Variants in PEX1 observed in about 807,000 individuals in gnomAD.
PEX1 encodes peroxisomal biogenesis factor 1, also known as peroxisomal ATPase PEX1.
In PEX1, 97 loss-of-function variants were observed where a neutral mutation model predicts 152.5. The observed-to-expected ratio is 0.64, with a 90% CI of 0.54 to 0.75. The LOEUF (loss-of-function observed/expected upper bound fraction) is 0.75, where lower values mean the gene tolerates loss of function less well. PEX1 is among the 30% of genes least tolerant of loss of function. The pLI is 0.00. For synonymous variants in PEX1, 485 were observed against 531.6 expected (o/e 0.91, Z 1.21); for missense variants, 1,357 against 1,516.3 (o/e 0.89, Z 1.74).
intron 2 of PEX1, 102 bp from the exon 3 acceptor site, chr7:92,519,180 G>C: frequency 1.4e-6 from 1 of 705,446 alleles, no homozygotes; most frequent in Non-Finnish European, 2.5e-6. Flanking sequence ...TTAAGTAGAT[G>C]TGTGTGTATG....
At chr7:92,519,809 T>G (rs1215811616) in intron 2 of PEX1, among the ~76,000 whole-genome samples, 4 of 152,326 alleles carry the variant, frequency 2.6e-5, no homozygotes, top group Non-Finnish European at 4.4e-5. Flanking sequence ...GTCTATAAGC[T>G]GGAGTCACCA....
In PEX1 at chr7:92,491,448, TAAGA is replaced by T; in HGVS notation, c.3258_3261del (p.Phe1086LeufsTer18). 2 of 1,613,798 alleles carry T rather than the reference TAAGA, an allele frequency of 1.2e-6. No individual in the cohort carries two copies. The highest frequency in any genetic ancestry group is 1.7e-6 in the Non-Finnish European group (2 of 1,179,730). The stretch of plus-strand genomic sequence containing the variant: ...GAATCGTCAGAGCCACTGCTATGGT[TAAGA>T]AAGACCATTGAAGACAGACTTAGGT... On this transcript the variant is annotated frameshift_variant, in exon 21 of 24. Transcript: ENST00000248633. LOFTEE classifies it high-confidence loss of function.
intron 2 of PEX1, among the ~76,000 whole-genome samples, chr7:92,520,815 A>G (rs552252899): frequency 1.3e-5 from 2 of 152,338 alleles, no homozygotes; most frequent in East Asian, 3.9e-4. Flanking sequence ...GGTATCTGAA[A>G]TATTTTGTGG....
chr7:92,504,759 C>A lies in PEX1; in HGVS notation c.2044G>T (p.Ala682Ser). Residue 682 changes from alanine to serine, a missense_variant, in exon 12 of 24, where the codon GCG becomes TCG. Physicochemically the swap from Ala to Ser is moderately conservative, Grantham distance 99. Coordinates refer to ENST00000248633, the MANE Select transcript of PEX1 (RefSeq NM_000466.3). ...AVPEHEHSPD[A>S]VQSQRLAHAL... ...TGAGCAAGCCGCTGGCTCTGCACCG[C>A]ATCAGGACTGTGCTCATGTTCCGGG... is the stretch of plus-strand genomic sequence containing the variant. 6.2e-7 allele frequency: 1 copy of A among 1,614,190 alleles called. No individual in the cohort carries two copies. The highest frequency in any genetic ancestry group is 8.5e-7 in the Non-Finnish European group (1 of 1,180,030).
chr7:92,522,201 C>T lies in PEX1; in HGVS notation c.174G>A (p.Leu58=), dbSNP rs1464417014. 6.2e-7 allele frequency: 1 copy of T among 1,614,026 alleles called. No individual in the cohort carries two copies. Among genetic ancestry groups the T allele is most frequent in the Non-Finnish European group, 8.5e-7 (1 of 1,179,908 alleles). ...TAAAATGCCTGCCTTCCACCCAGCT[C>T]AAGAATGCAGGCTGGTGACTCCAGA... The part of the protein sequence containing the change: ...EVVWSHQPAF[L]SWVEGRHFSD... Residue 58 remains leucine, a synonymous_variant, in exon 2 of 24, where the codon TTG becomes TTA. Coordinates refer to ENST00000248633, the MANE Select transcript of PEX1 (RefSeq NM_000466.3).
At chr7:92,495,195 CTTTG>C (rs1562849028) in intron 17 of PEX1, among the ~76,000 whole-genome samples, 1 of 151,928 alleles carries the variant, frequency 6.6e-6, no homozygotes, top group East Asian at 1.9e-4. Flanking sequence ...TGAACTTTGA[CTTTG>C]TTTTATTAAT....
chr7:92,490,470 A>G (rs993712894), intron 21 of PEX1, among the ~76,000 whole-genome samples: 1 of 152,012 alleles, frequency 6.6e-6, no homozygotes, highest in Non-Finnish European at 1.5e-5. Context: ...CCTCGTCTCT[A>G]CAAAACATAC....
rs933191144 is a variant in PEX1, at chr7:92,494,511, A to C, written c.2902T>G (p.Leu968Val). Reference protein sequence around the residue: ...DRVVNQLLTQLDGVEGLQGVY... With the variant: ...DRVVNQLLTQVDGVEGLQGVY... ...CCCTGTAAGCCTTCTACTCCATCCA[A>C]CTGAGTCAGCAACTGGTTAACTACT... The change falls in exon 18 of 24, where the codon TTG becomes GTG. Residue 968 changes from leucine to valine, a missense_variant. Coordinates refer to ENST00000248633, the MANE Select transcript of PEX1 (RefSeq NM_000466.3). The C allele has an allele frequency of 1.1e-5, 18 of 1,613,746 alleles. No individual in the cohort carries two copies. Among genetic ancestry groups the C allele is most frequent in the Non-Finnish European group, 1.5e-5 (18 of 1,179,814 alleles).
At chr7:92,489,677 A>G (rs763032984) in intron 22 of PEX1, 37 bp downstream of exon 22, 1 of 1,559,522 alleles carries the variant, frequency 6.4e-7, no homozygotes, top group Admixed American at 1.7e-5. Flanking sequence ...ATTTTTAAGA[A>G]GTTTTAACAA....
chr7:92,515,768 C>T (rs1052330784), intron 5 of PEX1, among the ~76,000 whole-genome samples: 9 of 151,840 alleles, frequency 5.9e-5, no homozygotes, highest in East Asian at 3.9e-4. Flanking sequence ...CTGAGGCAGG[C>T]GGATCACTTG....
Position 92,503,277 on chromosome 7 carries a change from T to C in PEX1, c.2072-82A>G, listed in dbSNP as rs1357025662. 3 of 1,224,646 alleles carry C rather than the reference T, an allele frequency of 2.4e-6. No homozygotes were observed. The African/African-American group carries it at 4.5e-5, about 18-fold the overall frequency. 75.9% of individuals were successfully genotyped at this position (1,224,646 alleles called of 1,614,324 possible). ...ATTATACATTCATTAAAAATAATGA[T>C]ACTCTAAGGTTGACCTTTAAGGTGC... On this transcript the variant is annotated intron_variant, in intron 12 of 23. Coordinates refer to ENST00000248633, the MANE Select transcript of PEX1 (RefSeq NM_000466.3).
chr7:92,510,876 T>G (rs1792428758), intron 8 of PEX1, 68 bp downstream of exon 8: 2 of 872,230 alleles, frequency 2.3e-6, no homozygotes, highest in African/African-American at 1.7e-5. Context: ...TACAAGGAAC[T>G]TCATACTTTA....
In PEX1 at chr7:92,517,452, G is replaced by A. The variant is rs771044594; in HGVS notation, c.1063C>T (p.Pro355Ser). The change falls in exon 5 of 24, where the codon CCT (proline) becomes TCT (serine). Residue 355 changes from proline to serine, a missense_variant. By Grantham distance (74) the Pro-to-Ser change is moderately conservative. Transcript: ENST00000248633. ...TCTGACATCTGCTTCTCTTTTTCAG[G>A]TGATAACACATTTTGTTTTGTTTTA... ...QSKTKQNVLSPEKEKQMSEPL... is the reference protein window; with the variant it reads ...QSKTKQNVLSSEKEKQMSEPL... The A allele has an allele frequency of 1.9e-6, 3 of 1,613,634 alleles. No individual in the cohort carries two copies. The highest frequency in any genetic ancestry group is 1.7e-6 in the Non-Finnish European group (2 of 1,179,986).
chr7:92,516,055 A>AGAGAAGAGAAAAAAGAAAAG (rs1321793051), intron 5 of PEX1, among the ~76,000 whole-genome samples: 104 of 85,764 alleles, frequency 1.2e-3, no homozygotes, highest in East Asian at 1.9e-3. Flanking sequence ...AGAGAAGAGA[A>AGAGAAGAGAAAAAAGAAAAG]AAAAGAAAAG....
At chr7:92,514,978 G>A (rs1013816835) in intron 5 of PEX1, among the ~76,000 whole-genome samples, 12 of 151,270 alleles carry the variant, frequency 7.9e-5, no homozygotes, top group African/African-American at 1.5e-4. Context: ...GAACCTGGGA[G>A]GCAGAGCTTG....
At chr7:92,527,591 G>A (rs2116293156) in intron 1 of PEX1, among the ~76,000 whole-genome samples, 1 of 152,332 alleles carries the variant, frequency 6.6e-6, no homozygotes, top group Admixed American at 6.5e-5. Context: ...CAGGATTTAT[G>A]AGGATTTCAA....
intron 6 of PEX1, among the ~76,000 whole-genome samples, chr7:92,512,531 A>G (rs979297927): frequency 4.0e-5 from 6 of 149,624 alleles, no homozygotes; most frequent in African/African-American, 1.5e-4. Context: ...TCGCTCTGTT[A>G]CCCAGGCTGG....
intron 1 of PEX1, among the ~76,000 whole-genome samples, chr7:92,527,749 T>C (rs1409767413): frequency 6.6e-6 from 1 of 152,224 alleles, no homozygotes; most frequent in African/African-American, 2.4e-5. Context: ...GGGCGACTGA[T>C]CGCAGAGCTT....
At chr7:92,505,211 A>C (rs1218852738) in intron 11 of PEX1, among the ~76,000 whole-genome samples, 1 of 152,092 alleles carries the variant, frequency 6.6e-6, no homozygotes, top group Non-Finnish European at 1.5e-5. Flanking sequence ...CAGGAGTTTG[A>C]GATCAGCCTG....
Sources: allele counts gnomAD v4.1 joint callset (sites outside exome capture counted in the v4.1 genomes callset), GRCh38; gene constraint gnomAD v4.1.1; transcripts MANE v1.5; gene names NCBI Gene and HGNC (gene_info 2026-07-23, HGNC 2026-07-21).